LGALS12: variants seen among roughly 807,000 people sequenced by gnomAD.
The protein encoded by LGALS12 is galectin-12.
Under a neutral mutation model 36.8 loss-of-function variants are expected in LGALS12, and 36 were observed. The ratio of observed to expected loss-of-function variants is 0.98; its 90% CI spans 0.75 to 1.29. The LOEUF (loss-of-function observed/expected upper bound fraction) is 1.29. LGALS12 is among the 50% of genes most tolerant of loss of function. The pLI, the probability that LGALS12 is intolerant of heterozygous loss-of-function variation, is 0.00. For synonymous variants in LGALS12, 145 were observed against 155.9 expected (o/e 0.93, Z 0.52); for missense variants, 366 against 394.3 (o/e 0.93, Z 0.61).
At chr11:63,509,973 C>A in intron 4 of LGALS12, 76 bp downstream of exon 4, 1 of 1,524,470 alleles carries the variant, frequency 6.6e-7, no homozygotes, top group Non-Finnish European at 8.9e-7. Context: ...GCCTGGGACC[C>A]CTTCCTCCAC....
At chr11:63,507,642 G>T (rs1275756568) in intron 1 of LGALS12, among the ~76,000 whole-genome samples, 1 of 151,900 alleles carries the variant, frequency 6.6e-6, no homozygotes, top group East Asian at 1.9e-4. Context: ...AAGAGTCAGG[G>T]TGGAAAGAGA....
chr11:63,506,964 A>G (rs1457459849), intron 1 of LGALS12, among the ~76,000 whole-genome samples: 1 of 152,206 alleles, frequency 6.6e-6, no homozygotes, highest in Non-Finnish European at 1.5e-5. Context: ...GTCAGTGCCC[A>G]AGAGGTTTTC....
Position 63,506,454 on chromosome 11 carries a change from C to T in LGALS12, c.-5C>T, listed in dbSNP as rs747900516. The T allele has an allele frequency of 1.9e-6, 3 of 1,614,226 alleles. No homozygotes were observed. Among genetic ancestry groups the T allele is most frequent in the Non-Finnish European group, 2.5e-6 (3 of 1,180,020 alleles). The stretch of plus-strand genomic sequence containing the variant: ...AGGATCTACAGTTGGAGTTGCCCCA[C>T]TGTCATGTCACCTGGAGAAAAACTG... On this transcript the variant is annotated 5_prime_UTR_variant, in exon 1 of 9. Coordinates refer to ENST00000394618, the MANE Select transcript of LGALS12 (RefSeq NM_033101.4).
chr11:63,515,142 G>C (rs1376380071), intron 7 of LGALS12, among the ~76,000 whole-genome samples: 6 of 152,104 alleles, frequency 3.9e-5, no homozygotes, highest in African/African-American at 1.2e-4. Flanking sequence ...GGGTTGAATC[G>C]GGACTGCCTG....
Position 63,516,582 on chromosome 11 carries a change from G to A in LGALS12, c.*189G>A, listed in dbSNP as rs3781603. The A allele has an allele frequency of 1.2e-5, 8 of 655,668 alleles. No homozygotes were observed. The highest frequency in any genetic ancestry group is 5.6e-5 in the East Asian group (2 of 35,778). 40.6% of individuals were successfully genotyped at this position (655,668 alleles called of 1,614,324 possible). A position where few individuals can be genotyped will look rare whatever the true frequency, so the allele number is the denominator to read the frequency against. On this transcript the variant is annotated 3_prime_UTR_variant, in exon 9 of 9. Coordinates refer to ENST00000394618, the MANE Select transcript of LGALS12 (RefSeq NM_033101.4). ...AGGCACAAGAGTGCAAAGGTTCCTCGAACTCTGCACCTTCCTCCACCAGGA... is the reference window on the plus strand; with the variant it reads ...AGGCACAAGAGTGCAAAGGTTCCTCAAACTCTGCACCTTCCTCCACCAGGA...
intron 5 of LGALS12, 90 bp from the exon 6 acceptor site, chr11:63,510,989 A>G (rs1250114361): frequency 5.1e-6 from 7 of 1,376,072 alleles, no homozygotes; most frequent in East Asian, 2.3e-5. Flanking sequence ...ACAAGCCCCA[A>G]ATATTCCCAA....
intron 4 of LGALS12, 90 bp downstream of exon 4, chr11:63,509,987 A>C (rs2016869360): frequency 6.9e-7 from 1 of 1,449,864 alleles, no homozygotes; most frequent in African/African-American, 1.4e-5. Context: ...CCTCCACCCT[A>C]GACTGAGAGA....
chr11:63,511,263 A>T (rs962735312), intron 6 of LGALS12, among the ~76,000 whole-genome samples, 158 bp downstream of exon 6: 1 of 152,188 alleles, frequency 6.6e-6, no homozygotes, highest in African/African-American at 2.4e-5. Flanking sequence ...TTATGCCCCC[A>T]GCCGCATGAT....
chr11:63,515,927 G>T (rs558211129), intron 8 of LGALS12, among the ~76,000 whole-genome samples: 30 of 74,734 alleles, frequency 4.0e-4, no homozygotes, highest in East Asian at 4.0e-3. Flanking sequence ...TGATGCAGGT[G>T]GGGGGGGGCC....
intron 5 of LGALS12, among the ~76,000 whole-genome samples, chr11:63,510,777 C>T (rs1477994412): frequency 6.6e-6 from 1 of 152,216 alleles, no homozygotes. Context: ...ATGCTCATTT[C>T]TCAAACCACC....
rs558085695 is a variant in LGALS12 at position 63,510,977 on chromosome 11, A to G, written c.532-102A>G. 1.6e-4 allele frequency: 189 copies of G among 1,213,948 alleles called. 2 individuals carry two copies. The South Asian group carries it at 2.2e-3, about 14-fold the overall frequency. The allele number at this position is 1,213,948 out of a possible 1,614,324, so 75.2% of individuals were successfully genotyped here. A position where few individuals can be genotyped will look rare whatever the true frequency, so the allele number is the denominator to read the frequency against. On this transcript the variant is annotated intron_variant, in intron 5 of 8. Transcript: ENST00000394618. ...AATGACTCACCTACTGCTGTGAGAG[A>G]GACAAGCCCCAAATATTCCCAATTT...
At chr11:63,512,452 G>A (rs1440275351) in intron 7 of LGALS12, among the ~76,000 whole-genome samples, 5 of 152,172 alleles carry the variant, frequency 3.3e-5, no homozygotes, top group African/African-American at 1.2e-4. Context: ...GCAACCTTAG[G>A]ACAGATACTT....
chr11:63,510,018 T>A (rs1220766262), intron 4 of LGALS12, 121 bp downstream of exon 4: 6 of 1,232,870 alleles, frequency 4.9e-6, no homozygotes, highest in Admixed American at 2.7e-5. Flanking sequence ...TGTGCACCAG[T>A]AATAGCCAAG....
chr11:63,506,198 C>T lies in LGALS12; in HGVS notation c.-261C>T, dbSNP rs2016738691. ...TTAATGCCAGTCTTCCTCCCCTGGA[C>T]ACTGAGTTCTGCTGACAGCCCCCGC... is the stretch of plus-strand genomic sequence containing the variant. On this transcript the variant is annotated 5_prime_UTR_variant, in exon 1 of 9. Coordinates refer to ENST00000394618, the MANE Select transcript of LGALS12 (RefSeq NM_033101.4). 1 of 599,416 alleles carries T rather than the reference C, an allele frequency of 1.7e-6. No individual in the cohort carries two copies. Among genetic ancestry groups the T allele is most frequent in the South Asian group, 2.0e-5 (1 of 48,940 alleles). 37.1% of individuals were successfully genotyped at this position (599,416 alleles called of 1,614,324 possible). A position where few individuals can be genotyped will look rare whatever the true frequency, so the allele number is the denominator to read the frequency against.
Position 63,516,341 on chromosome 11 carries a change from T to C in LGALS12, c.893T>C (p.Leu298Pro), listed in dbSNP as rs145753760. Residue 298 changes from leucine to proline, a missense_variant, in exon 9 of 9, where the codon CTG (leucine) becomes CCG (proline). Coordinates refer to ENST00000394618, the MANE Select transcript of LGALS12 (RefSeq NM_033101.4). ...TSMNQQALEQ[L>P]RELRISGSVQ... ...ATGAACCAGCAGGCCCTGGAGCAGCTGCGGGAGCTCCGGATCAGTGGAAGT... is the reference window on the plus strand; with the variant it reads ...ATGAACCAGCAGGCCCTGGAGCAGCCGCGGGAGCTCCGGATCAGTGGAAGT... 4.5e-5 allele frequency: 73 copies of C among 1,613,668 alleles called. No individual in the cohort carries two copies. In the African/African-American group the frequency reaches 7.1e-4, roughly 16 times the overall value.
chr11:63,510,357 G>A, intron 4 of LGALS12, 106 bp from the exon 5 acceptor site: 2 of 1,105,634 alleles, frequency 1.8e-6, no homozygotes, highest in Admixed American at 3.6e-5. Flanking sequence ...AGCCGAATGG[G>A]AACATGAGGA....
At chr11:63,509,664 C>A in intron 3 of LGALS12, 114 bp from the exon 4 acceptor site, 1 of 1,049,052 alleles carries the variant, frequency 9.5e-7, no homozygotes, top group Non-Finnish European at 1.4e-6. Flanking sequence ...ATAGAGATGA[C>A]GTGAAGTTAA....
chr11:63,511,505 T>G (rs2016919422), intron 6 of LGALS12, among the ~76,000 whole-genome samples: 1 of 151,970 alleles, frequency 6.6e-6, no homozygotes, highest in South Asian at 2.1e-4. Flanking sequence ...CAGTTAAGGA[T>G]GCAGTGAAGG....
At chr11:63,508,502 C>T in intron 1 of LGALS12, 51 bp from the exon 2 acceptor site, 1 of 1,612,346 alleles carries the variant, frequency 6.2e-7, no homozygotes. Context: ...ACATAGAGGT[C>T]CCTAAGCCCT....
Sources: gnomAD v4.1 joint callset for allele counts (sites outside exome capture counted in the v4.1 genomes callset) on GRCh38, gnomAD v4.1.1 for gene constraint, MANE v1.5 for transcripts, NCBI Gene and HGNC (gene_info 2026-07-23, HGNC 2026-07-21) for gene names.